The following TMEM25 variants were observed in gnomAD, a reference collection of about 807,000 sequenced individuals.
TMEM25 encodes the protein 0610039J01Rik.
In TMEM25, 36 loss-of-function variants were observed where a neutral mutation model predicts 37.0. That is an observed-to-expected ratio of 0.97 (90% CI 0.75 to 1.28). The LOEUF is 1.28. TMEM25 is among the 50% of genes most tolerant of loss of function. The probability of loss-of-function intolerance (pLI) is 0.00; values close to 1 mark genes in which losing one functional copy is unlikely to be tolerated. For synonymous variants in TMEM25, 197 were observed against 203.7 expected (o/e 0.97, Z 0.28); for missense variants, 444 against 477.9 (o/e 0.93, Z 0.66).
rs369714874 is a variant in TMEM25, at chr11:118,533,020, T to C, written c.486T>C (p.Asn162=). The change falls in exon 4 of 9, where the codon AAT becomes AAC. Residue 162 remains asparagine (N), a synonymous_variant. Transcript: ENST00000313236. ...TGGTGCGTGCCAACCCGCCGGCCAATGTCACCTGGATCGACCAGGATGGGC... is the reference window on the plus strand; with the variant it reads ...TGGTGCGTGCCAACCCGCCGGCCAACGTCACCTGGATCGACCAGGATGGGC... The part of the protein sequence containing the change: ...FALVRANPPA[N]VTWIDQDGPV... The C allele has an allele frequency of 2.2e-5, 36 of 1,614,120 alleles. 1 individual carries two copies. Among genetic ancestry groups the C allele is most frequent in the African/African-American group, 5.3e-5 (4 of 74,934 alleles).
intron 8 of TMEM25, chr11:118,544,725 C>CCGTATCATGA: frequency 1.8e-6 from 1 of 551,202 alleles, no homozygotes; most frequent in Non-Finnish European, 3.2e-6. Context: ...CCGGGGACAG[C>CCGTATCATGA]AATCTGAGGC....
rs782540514 is a variant in TMEM25 at position 118,534,629 on chromosome 11, T to G, written c.*49T>G. 8 of 1,602,736 alleles carry G rather than the reference T, an allele frequency of 5.0e-6. No homozygotes were observed. Among genetic ancestry groups the G allele is most frequent in the Non-Finnish European group, 6.8e-6 (8 of 1,172,702 alleles). ...CTCTTGGCCTCTGGACACCCTCCCG[T>G]TCCTCCAAGGCATCCTCTACCTAGC... On this transcript the variant is annotated 3_prime_UTR_variant, in exon 9 of 9. Coordinates refer to ENST00000313236, the MANE Select transcript of TMEM25 (RefSeq NM_032780.4). This position sits in a 1 kb window ranked among gnomAD's most constrained non-coding sequence, Gnocchi z 4.6.
intron 8 of TMEM25, chr11:118,545,791 A>G (rs1479960819): frequency 6.2e-7 from 1 of 1,613,928 alleles, no homozygotes; most frequent in Non-Finnish European, 8.5e-7. Context: ...AGAGGAACTC[A>G]CCACAGATCA....
downstream of TMEM25, among the ~76,000 whole-genome samples, chr11:118,539,143 C>T (rs184953770): frequency 1.4e-5 from 2 of 146,252 alleles, no homozygotes; most frequent in African/African-American, 2.5e-5. Context: ...TGTTGCTGTG[C>T]GTTTGAGGTC....
intron 8 of TMEM25, among the ~76,000 whole-genome samples, chr11:118,541,522 A>AT (rs1555065381): frequency 1.3e-5 from 2 of 151,928 alleles, no homozygotes; most frequent in Admixed American, 6.6e-5. Context: ...GTCTTAGTCC[A>AT]TTTTTTGTTA....
At chr11:118,544,122 A>T (rs1951621306) in intron 8 of TMEM25, among the ~76,000 whole-genome samples, 1 of 152,148 alleles carries the variant, frequency 6.6e-6, no homozygotes, top group Admixed American at 6.6e-5. Flanking sequence ...ACCCTTTGTT[A>T]GAAATAACTA....
chr11:118,534,691 T>C lies in TMEM25; in HGVS notation c.*111T>C, dbSNP rs958771690. On this transcript the variant is annotated 3_prime_UTR_variant, in exon 9 of 9. Transcript: ENST00000313236. This position sits in a 1 kb window ranked among gnomAD's most constrained non-coding sequence, Gnocchi z 4.6. ...CGTGAAGAAGTTATGCCACTGCCAC[T>C]TTTGCTTGCCCTCCTGGCTGGGGTG... 2.6e-6 allele frequency: 4 copies of C among 1,518,126 alleles called. No homozygotes were observed. Among genetic ancestry groups the C allele is most frequent in the Middle Eastern group, 1.7e-4 (1 of 5,788 alleles). 94.0% of individuals were successfully genotyped at this position (1,518,126 alleles called of 1,614,324 possible). A position where few individuals can be genotyped will look rare whatever the true frequency, so the allele number is the denominator to read the frequency against.
chr11:118,535,872 TTTTTG>T, downstream of TMEM25: 1 of 1,108,924 alleles, frequency 9.0e-7, no homozygotes, highest in South Asian at 3.8e-5. Context: ...TATGTTTTTG[TTTTTG>T]TTTTATTTTG....
exon 9 of TMEM25, chr11:118,546,208 C>T: frequency 2.8e-6 from 2 of 716,946 alleles, no homozygotes; most frequent in Non-Finnish European, 5.2e-6. Context: ...CAGAAGAAAT[C>T]AATCTTGGTG....
At chr11:118,538,995 TG>T (rs1951544634), downstream of TMEM25, among the ~76,000 whole-genome samples, 1 of 152,162 alleles carries the variant, frequency 6.6e-6, no homozygotes. Context: ...TTGCATATTC[TG>T]GATATTAATC....
downstream of TMEM25, chr11:118,546,785 T>G (rs1023826353): frequency 6.6e-6 from 1 of 152,528 alleles, no homozygotes; most frequent in Non-Finnish European, 1.5e-5. Flanking sequence ...TTAACAGTTA[T>G]ATATGCATTA....
chr11:118,545,039 A>C (rs1555066714), intron 8 of TMEM25: 2 of 1,437,252 alleles, frequency 1.4e-6, no homozygotes, highest in African/African-American at 1.4e-5. Flanking sequence ...GGGAATATTG[A>C]GTATTAGGGA....
chr11:118,544,469 T>G (rs1482610969), intron 8 of TMEM25: 1 of 155,246 alleles, frequency 6.4e-6, no homozygotes, highest in Non-Finnish European at 1.4e-5. Flanking sequence ...AGTTCCTGTG[T>G]CTCTGCGTTA....
At chr11:118,539,096 C>T (rs1166186562), downstream of TMEM25, among the ~76,000 whole-genome samples, 8 of 150,038 alleles carry the variant, frequency 5.3e-5, no homozygotes, top group East Asian at 1.6e-3. Context: ...TGTGCGGAAG[C>T]TTTTTAGTTT....
rs1002606265 is a variant in TMEM25, at chr11:118,534,983, G to C, written c.*403G>C. On this transcript the variant is annotated 3_prime_UTR_variant, in exon 9 of 9. Coordinates refer to ENST00000313236, the MANE Select transcript of TMEM25 (RefSeq NM_032780.4). The surrounding 1 kb of genome is among the most constrained non-coding windows in gnomAD (Gnocchi z 4.6). ...AGTAGGCATGGGGGCGTGCCTGTGT[G>C]GGGGACAGGGAGGGCCCTGCATGGA... 2.6e-5 allele frequency: 27 copies of C among 1,057,184 alleles called. No homozygotes were observed. The East Asian group carries it at 4.0e-4, about 16-fold the overall frequency. 65.5% of individuals were successfully genotyped at this position (1,057,184 alleles called of 1,614,324 possible).
downstream of TMEM25, chr11:118,546,674 G>A (rs1812530291): frequency 6.4e-6 from 1 of 155,418 alleles, no homozygotes; most frequent in Non-Finnish European, 1.4e-5. Context: ...CCCCCGATCA[G>A]TATGGAATTG....
At chr11:118,540,873 C>T (rs1170604768) in intron 8 of TMEM25, among the ~76,000 whole-genome samples, 1 of 152,182 alleles carries the variant, frequency 6.6e-6, no homozygotes, top group African/African-American at 2.4e-5. Context: ...CGTTGTTTGA[C>T]TCCATTTATA....
In TMEM25 at chr11:118,532,446, A is replaced by T; in HGVS notation, c.367A>T (p.Ile123Phe). 6.2e-7 allele frequency: 1 copy of T among 1,612,908 alleles called. No individual in the cohort carries two copies. The highest frequency in any genetic ancestry group is 8.5e-7 in the Non-Finnish European group (1 of 1,179,150). The change falls in exon 3 of 9, where the codon ATC (isoleucine) becomes TTC (phenylalanine). Residue 123 changes from isoleucine to phenylalanine, a missense_variant. Transcript: ENST00000313236. Reference sequence around the variant, plus strand: ...TGGCCGATCAGCCAACGCCTCTGTCATCCTTAATGTGCAATGTGAGTGGCC... The same window carrying T: ...TGGCCGATCAGCCAACGCCTCTGTCTTCCTTAATGTGCAATGTGAGTGGCC... ...RSGRSANASV[I>F]LNVQFKPEIA...
intron 8 of TMEM25, chr11:118,545,082 T>C: frequency 8.5e-7 from 1 of 1,169,766 alleles, no homozygotes; most frequent in South Asian, 1.3e-5. Context: ...CAAGAATTAA[T>C]TTCTTTAAAA....
Sources: gnomAD v4.1 joint callset for allele counts (sites outside exome capture counted in the v4.1 genomes callset) on GRCh38, gnomAD v4.1.1 for gene constraint, Gnocchi (gnomAD v3.1) non-coding constraint, MANE v1.5 for transcripts, NCBI Gene and HGNC (gene_info 2026-07-23, HGNC 2026-07-21) for gene names.